The following DNAJC13 variants were observed in gnomAD, a reference collection of about 807,000 sequenced individuals.
DNAJC13 encodes dnaJ homolog subfamily C member 13.
DNAJC13 carries 75 observed loss-of-function variants against 290.5 expected under a neutral mutation model. The ratio of observed to expected loss-of-function variants is 0.26; its 90% confidence interval spans 0.21 to 0.31. DNAJC13 has a LOEUF of 0.31. Ranked by LOEUF, DNAJC13 falls within the 10% of genes least tolerant of loss-of-function variation. The pLI is 1.00. For synonymous variants in DNAJC13, 862 were observed against 892.0 expected (o/e 0.97, Z 0.60); for missense variants, 2,260 against 2,674.5 (o/e 0.85, Z 3.42).
chr3:132,516,075 TAG>T lies in DNAJC13; in HGVS notation c.5486-344_5486-343del, dbSNP rs1296238574. 1.1e-4 allele frequency among the ~76,000 whole-genome samples: 16 copies of T among 152,328 alleles called. No individual in the cohort carries two copies. In the East Asian group the frequency reaches 2.1e-3, roughly 20 times the overall value. On this transcript the variant is annotated intron_variant, in intron 46 of 55. Coordinates refer to ENST00000260818, the MANE Select transcript of DNAJC13 (RefSeq NM_015268.4). Reference sequence around the variant, plus strand: ...CAGGTAAAAATCTTAGATGCCTGATTAGAGTGTCCTCTGGGTGTCAGGAAATC... The same window carrying T: ...CAGGTAAAAATCTTAGATGCCTGATTAGTGTCCTCTGGGTGTCAGGAAATC...
intron 2 of DNAJC13, among the ~76,000 whole-genome samples, chr3:132,440,987 A>G (rs144741334): frequency 0.011 from 1,740 of 152,328 alleles, 31 homozygotes; most frequent in African/African-American, 0.039. Flanking sequence ...TAGGTCAGTT[A>G]TCCTTAATTT....
chr3:132,473,075 T>C, intron 20 of DNAJC13, 70 bp from the exon 21 acceptor site: 1 of 994,350 alleles, frequency 1.0e-6, no homozygotes, highest in Non-Finnish European at 1.5e-6. Flanking sequence ...CACGTATAAA[T>C]TGATGATCTT....
At chr3:132,523,742 C>G in intron 51 of DNAJC13, 29 bp downstream of exon 51, 1 of 1,599,990 alleles carries the variant, frequency 6.3e-7, no homozygotes, top group Non-Finnish European at 8.5e-7. Context: ...CAAAACATTT[C>G]AAAGACTTGG....
intron 20 of DNAJC13, among the ~76,000 whole-genome samples, chr3:132,470,683 C>T (rs13325103): frequency 0.15 from 17,388 of 112,260 alleles, 317 homozygotes; most frequent in South Asian, 0.21. Flanking sequence ...CCCCACCTCC[C>T]TCCCGGACGG....
chr3:132,436,883 C>CTT (rs68049166), intron 2 of DNAJC13, among the ~76,000 whole-genome samples: 3 of 141,932 alleles, frequency 2.1e-5, no homozygotes, highest in African/African-American at 2.6e-5. Flanking sequence ...TTTTATTTTA[C>CTT]TTTTTTTTTT....
At chr3:132,525,857 T>C in intron 52 of DNAJC13, 68 bp downstream of exon 52, 2 of 1,507,144 alleles carry the variant, frequency 1.3e-6, no homozygotes, top group Non-Finnish European at 1.8e-6. Context: ...TTGACGGATA[T>C]AAGTTGTAGT....
intron 5 of DNAJC13, among the ~76,000 whole-genome samples, chr3:132,449,957 C>CT (rs1207041754): frequency 6.6e-6 from 1 of 151,888 alleles, no homozygotes; most frequent in African/African-American, 2.4e-5. Context: ...TTGATTAAAC[C>CT]TTTTTTCTTT....
At chr3:132,463,615 A>T in intron 16 of DNAJC13, 81 bp from the exon 17 acceptor site, 1 of 1,457,268 alleles carries the variant, frequency 6.9e-7, no homozygotes, top group Non-Finnish European at 9.2e-7. Flanking sequence ...TTTCATTTAA[A>T]TATGTAAAAT....
At chr3:132,484,350 T>C in intron 28 of DNAJC13, 2 of 565,652 alleles carry the variant, frequency 3.5e-6, no homozygotes, top group Non-Finnish European at 6.5e-6. Context: ...ATAAGAGTCT[T>C]TGGCTCTTCT....
intron 48 of DNAJC13, 119 bp from the exon 49 acceptor site, chr3:132,522,709 T>A (rs1284624394): frequency 1.2e-6 from 1 of 811,264 alleles, no homozygotes; most frequent in Non-Finnish European, 1.9e-6. Context: ...GTAATGGTTA[T>A]GGCCCACATA....
At position 132,480,309 on chromosome 3, in the gene DNAJC13, G is replaced by C. The variant is rs1202135677; in HGVS notation, c.2773-60G>C. The C allele has an allele frequency of 2.6e-6, 3 of 1,147,464 alleles. No homozygotes were observed. The East Asian group carries it at 7.2e-5, about 28-fold the overall frequency. The allele number at this position is 1,147,464 out of a possible 1,614,324, so 71.1% of individuals were successfully genotyped here. A position where few individuals can be genotyped will look rare whatever the true frequency, so the allele number is the denominator to read the frequency against. On this transcript the variant is annotated intron_variant, in intron 25 of 55. Transcript: ENST00000260818. Reference sequence around the variant, plus strand: ...GTACCTATTGGGAAAGGTACTATTGGGATAGGTTTTAGGTTATGAAAAATG... The same window carrying C: ...GTACCTATTGGGAAAGGTACTATTGCGATAGGTTTTAGGTTATGAAAAATG...
intron 40 of DNAJC13, 94 bp from the exon 41 acceptor site, chr3:132,503,119 TA>T (rs1320603621): frequency 7.4e-7 from 1 of 1,343,512 alleles, no homozygotes; most frequent in Non-Finnish European, 1.0e-6. Context: ...TTTTACTCCT[TA>T]AATATGTTCC....
intron 1 of DNAJC13, among the ~76,000 whole-genome samples, 193 bp from the exon 2 acceptor site, chr3:132,434,345 C>A (rs950297962): frequency 7.3e-6 from 1 of 137,400 alleles, no homozygotes; most frequent in African/African-American, 3.4e-5. Flanking sequence ...AAGATCGTGC[C>A]ACTGCACTCC....
chr3:132,503,293 C>A lies in DNAJC13; in HGVS notation c.4796C>A (p.Thr1599Asn). Residue 1599 changes from threonine to asparagine, a missense_variant, in exon 41 of 56, where the codon ACT becomes AAT. By Grantham distance (65) the Thr-to-Asn change is moderately conservative. Around this residue, in one of 3 missense-constraint regions of DNAJC13, gnomAD observed 1,494 missense variants for 1,693.7 expected, o/e 0.88. Transcript: ENST00000260818. ...GGGTATTTGGCTGAAGAACAAGCAACTCCAGAAAATCCAACCATAAGGAAA... is the reference window on the plus strand; with the variant it reads ...GGGTATTTGGCTGAAGAACAAGCAAATCCAGAAAATCCAACCATAAGGAAA... ...LGGYLAEEQATPENPTIRKSL... is the reference protein window; with the variant it reads ...LGGYLAEEQANPENPTIRKSL... 6.2e-7 allele frequency: 1 copy of A among 1,614,122 alleles called. No homozygotes were observed. Among genetic ancestry groups the A allele is most frequent in the Non-Finnish European group, 8.5e-7 (1 of 1,180,002 alleles).
At chr3:132,481,313 C>G (rs2107696114) in intron 26 of DNAJC13, among the ~76,000 whole-genome samples, 1 of 152,300 alleles carries the variant, frequency 6.6e-6, no homozygotes, top group South Asian at 2.1e-4. Context: ...ACAGGCCAGG[C>G]ACAGTGGCTC....
intron 48 of DNAJC13, among the ~76,000 whole-genome samples, chr3:132,520,837 T>C (rs1462802089): frequency 6.6e-6 from 1 of 152,210 alleles, no homozygotes; most frequent in Non-Finnish European, 1.5e-5. Flanking sequence ...GTCACACACA[T>C]ACAGCTTATT....
In DNAJC13 at chr3:132,474,928, C is replaced by G. The variant is rs1346033370; in HGVS notation, c.2292-4C>G. The G allele has an allele frequency of 6.9e-7, 1 of 1,454,704 alleles. No homozygotes were observed. Among genetic ancestry groups the G allele is most frequent in the South Asian group, 1.2e-5 (1 of 85,638 alleles). The allele number at this position is 1,454,704 out of a possible 1,614,324, so 90.1% of individuals were successfully genotyped here. A position where few individuals can be genotyped will look rare whatever the true frequency, so the allele number is the denominator to read the frequency against. On this transcript the variant is annotated splice_polypyrimidine_tract_variant and splice_region_variant and intron_variant, in intron 21 of 55. Coordinates refer to ENST00000260818, the MANE Select transcript of DNAJC13 (RefSeq NM_015268.4). Reference sequence around the variant, plus strand: ...TGCTATTTCCTCATTATATGTATGTCTAGGTTTGGTCAAGACCATGCCAGG... The same window carrying G: ...TGCTATTTCCTCATTATATGTATGTGTAGGTTTGGTCAAGACCATGCCAGG...
At chr3:132,459,283 GT>G (rs142605889) in intron 13 of DNAJC13, among the ~76,000 whole-genome samples, 3,395 of 152,230 alleles carry the variant, frequency 0.022, 112 homozygotes, top group African/African-American at 0.071. Flanking sequence ...ATTCTGACAC[GT>G]TTTGCAACAT....
intron 55 of DNAJC13, chr3:132,537,301 C>A (rs1936624692): frequency 6.6e-6 from 3 of 451,194 alleles, no homozygotes; most frequent in African/African-American, 6.0e-5. Flanking sequence ...ATGCCGCTCC[C>A]ACTGCCTTTC....
Sources: allele counts gnomAD v4.1 joint callset (sites outside exome capture counted in the v4.1 genomes callset), GRCh38; gene constraint gnomAD v4.1.1; regional missense constraint gnomAD v4.1.1; transcripts MANE v1.5; gene names NCBI Gene and HGNC (gene_info 2026-07-23, HGNC 2026-07-21).